The following WDR53 variants were observed in gnomAD, a reference collection of about 807,000 sequenced individuals.
WDR53 encodes the protein WD repeat domain 53, also known as WD repeat-containing protein 53.
A neutral mutation model predicts 21.3 loss-of-function variants in WDR53; 19 were observed. The ratio of observed to expected loss-of-function variants is 0.89; its 90% CI spans 0.62 to 1.31. The LOEUF (loss-of-function observed/expected upper bound fraction) is 1.31, where lower values mean the gene tolerates loss of function less well. Among genes scored for constraint, WDR53 ranks in the 50% most tolerant of loss-of-function variants. The probability of loss-of-function intolerance (pLI) is 0.00; values close to 1 mark genes in which losing one functional copy is unlikely to be tolerated. For missense variants in WDR53, 374 were observed against 423.2 expected, an observed-to-expected ratio of 0.88 and a Z score of 1.02; for synonymous variants, 157 against 163.4, an observed-to-expected ratio of 0.96 and a Z score of 0.30.
chr3:196,568,212 G>A (rs1735618802), intron 1 of WDR53, among the ~76,000 whole-genome samples: 2 of 152,158 alleles, frequency 1.3e-5, no homozygotes, highest in Non-Finnish European at 2.9e-5. Flanking sequence ...GGCACACAGG[G>A]ACAGACGTTC....
chr3:196,566,296 C>T (rs1735385380), intron 2 of WDR53, among the ~76,000 whole-genome samples: 1 of 151,568 alleles, frequency 6.6e-6, no homozygotes, highest in African/African-American at 2.4e-5. Flanking sequence ...CACCATGTTG[C>T]CCAAGCTGGT....
chr3:196,554,535 TG>T lies in WDR53; in HGVS notation c.752del (p.Pro251GlnfsTer56), dbSNP rs772033928. 2.5e-5 allele frequency: 41 copies of T among 1,614,088 alleles called. No individual in the cohort carries two copies. Among genetic ancestry groups the T allele is most frequent in the Non-Finnish European group, 3.4e-5 (40 of 1,180,040 alleles). Reference protein sequence around the residue: ...TSGVSQVCFLPESYLLLTGGN... With the variant: ...TSGVSQVCFLXESYLLLTGGN... The stretch of plus-strand genomic sequence containing the variant: ...CTCCAGTAAGCAGCAAATAGGATTC[TG>T]GGAGAAAGCAGACCTGGGATACCCC... On this transcript the variant is annotated frameshift_variant, in exon 4 of 4. Transcript: ENST00000332629. LOFTEE classifies it low-confidence loss of function (END_TRUNC).
chr3:196,554,240 T>A lies in WDR53; in HGVS notation c.1048A>T (p.Ile350Leu), dbSNP rs376520332. ...NILVADQTSC[I>L]SVYPLNEF ...AATTCATTTAAGGGGTATACAGATATACAACTAGTTTGATCAGCTACTAAT... is the reference window on the plus strand; with the variant it reads ...AATTCATTTAAGGGGTATACAGATAAACAACTAGTTTGATCAGCTACTAAT... The change falls in exon 4 of 4, where the codon ATA becomes TTA. Residue 350 changes from isoleucine (I) to leucine (L), a missense_variant. Ile to Leu is a conservative substitution (Grantham distance 5). Coordinates refer to ENST00000332629, the MANE Select transcript of WDR53 (RefSeq NM_182627.3). 1.9e-6 allele frequency: 3 copies of A among 1,612,998 alleles called. No homozygotes were observed. The highest frequency in any genetic ancestry group is 1.1e-5 in the South Asian group (1 of 90,968).
chr3:196,561,204 T>C lies in WDR53; in HGVS notation c.272A>G (p.His91Arg). Reference protein sequence around the residue: ...RSLKDSLDHFHVNEEEINCLS... With the variant: ...RSLKDSLDHFRVNEEEINCLS... ...ACAATTGATTTCTTCTTCATTCACA[T>C]GAAAATGGTCCAAGGAATCTTTGAG... The change falls in exon 3 of 4, where the codon CAT (histidine) becomes CGT (arginine). Residue 91 changes from histidine (H) to arginine (R), a missense_variant. Coordinates refer to ENST00000332629, the MANE Select transcript of WDR53 (RefSeq NM_182627.3). 1 of 1,614,190 alleles carries C rather than the reference T, an allele frequency of 6.2e-7. No individual in the cohort carries two copies.
At chr3:196,567,718 A>T (rs1735549975) in intron 1 of WDR53, among the ~76,000 whole-genome samples, 1 of 151,656 alleles carries the variant, frequency 6.6e-6, no homozygotes, top group Non-Finnish European at 1.5e-5. Context: ...GCCACCTAGG[A>T]AATCGTAGTA....
intron 3 of WDR53, among the ~76,000 whole-genome samples, chr3:196,557,481 G>A (rs1267181296): frequency 6.6e-6 from 1 of 152,210 alleles, no homozygotes; most frequent in Non-Finnish European, 1.5e-5. Context: ...GTGCGAGGCT[G>A]CGGTGAGCTC....
chr3:196,565,378 C>T (rs1333085288), intron 2 of WDR53, among the ~76,000 whole-genome samples: 2 of 151,984 alleles, frequency 1.3e-5, no homozygotes, highest in African/African-American at 4.8e-5. Flanking sequence ...AGTTCAAGAC[C>T]ACCCTGGCCA....
In WDR53 at chr3:196,561,166, G is replaced by C; in HGVS notation, c.310C>G (p.Gln104Glu). 6.2e-7 allele frequency: 1 copy of C among 1,614,156 alleles called. No homozygotes were observed. The highest frequency in any genetic ancestry group is 1.1e-5 in the South Asian group (1 of 91,064). ...EEEINCLSLN[Q>E]TENLLASADD... ...GCAGAAGCCAGCAGGTTTTCCGTTTGATTCAATGAAAGACAATTGATTTCT... is the reference window on the plus strand; with the variant it reads ...GCAGAAGCCAGCAGGTTTTCCGTTTCATTCAATGAAAGACAATTGATTTCT... Residue 104 changes from glutamine (Q) to glutamate (E), a missense_variant, in exon 3 of 4, where the codon CAA (glutamine) becomes GAA (glutamate). By Grantham distance (29) the Gln-to-Glu change is conservative. Coordinates refer to ENST00000332629, the MANE Select transcript of WDR53 (RefSeq NM_182627.3).
In WDR53 at chr3:196,564,395, C is replaced by CTTTT. The variant is rs1553872894; in HGVS notation, c.-17+2478_-17+2481dup. 5.2e-5 allele frequency among the ~76,000 whole-genome samples: 7 copies of CTTTT among 135,902 alleles called. 1 individual carries two copies. Among genetic ancestry groups the CTTTT allele is most frequent in the South Asian group, 4.6e-4 (2 of 4,386 alleles). The allele number at this position is 135,902 out of a possible 152,430, so 89.2% of individuals were successfully genotyped here. A position where few individuals can be genotyped will look rare whatever the true frequency, so the allele number is the denominator to read the frequency against. On this transcript the variant is annotated intron_variant, in intron 2 of 3. Transcript: ENST00000332629. ...ACGATTTCAATTTTTTTTCTTTTTT[C>CTTTT]TTTTTTTTTTTTTTTTGAGACAGGG... is the stretch of plus-strand genomic sequence containing the variant.
chr3:196,554,829 A>G, intron 3 of WDR53, 22 bp from the exon 4 acceptor site: 5 of 1,584,420 alleles, frequency 3.2e-6, no homozygotes, highest in Non-Finnish European at 4.3e-6. Flanking sequence ...AAGAAATTAC[A>G]CAGTCATACA....
In WDR53 at chr3:196,567,273, G is replaced by C; in HGVS notation, c.-413C>G. 2.2e-6 allele frequency: 1 copy of C among 456,610 alleles called. No homozygotes were observed. Among genetic ancestry groups the C allele is most frequent in the Non-Finnish European group, 4.4e-6 (1 of 226,866 alleles). The allele number at this position is 456,610 out of a possible 1,614,324, so 28.3% of individuals were successfully genotyped here. On this transcript the variant is annotated 5_prime_UTR_variant, in exon 2 of 4. Coordinates refer to ENST00000332629, the MANE Select transcript of WDR53 (RefSeq NM_182627.3). ...GGACTTGATGTGGAGAAGCTGGATA[G>C]CAACCAAAATGATTGAAGGGCTGTG...
At position 196,561,206 on chromosome 3, in the gene WDR53, A is replaced by C. The variant is rs1213523578; in HGVS notation, c.270T>G (p.Phe90Leu). The change falls in exon 3 of 4, where the codon TTT becomes TTG. Residue 90 changes from phenylalanine to leucine, a missense_variant. By Grantham distance (22) the Phe-to-Leu change is conservative. Transcript: ENST00000332629. ...AATTGATTTCTTCTTCATTCACATG[A>C]AAATGGTCCAAGGAATCTTTGAGGG... ...VRSLKDSLDH[F>L]HVNEEEINCL... 9 of 1,614,122 alleles carry C rather than the reference A, an allele frequency of 5.6e-6. No homozygotes were observed. Among genetic ancestry groups the C allele is most frequent in the Non-Finnish European group, 7.6e-6 (9 of 1,180,052 alleles).
At chr3:196,559,717 C>T (rs988777976) in intron 3 of WDR53, among the ~76,000 whole-genome samples, 6 of 152,166 alleles carry the variant, frequency 3.9e-5, no homozygotes, top group African/African-American at 1.4e-4. Flanking sequence ...CTAGAAGCCA[C>T]CTGACCCCAA....
In WDR53 at chr3:196,561,421, T is replaced by C; in HGVS notation, c.55A>G (p.Ser19Gly). Reference sequence around the variant, plus strand: ...CCAGAAGCCAGCAGCCCTTCTTTACTTGCATTCAGGCAGAGGACAGGAGAA... The same window carrying C: ...CCAGAAGCCAGCAGCCCTTCTTTACCTGCATTCAGGCAGAGGACAGGAGAA... ...HSSPVLCLNA[S>G]KEGLLASGAE... The change falls in exon 3 of 4, where the codon AGT becomes GGT. Residue 19 changes from serine (S) to glycine (G), a missense_variant. Transcript: ENST00000332629. The C allele has an allele frequency of 6.2e-7, 1 of 1,614,100 alleles. No homozygotes were observed. The highest frequency in any genetic ancestry group is 8.5e-7 in the Non-Finnish European group (1 of 1,180,028).
chr3:196,562,501 A>T (rs1734977549), intron 2 of WDR53, among the ~76,000 whole-genome samples: 1 of 152,036 alleles, frequency 6.6e-6, no homozygotes, highest in Non-Finnish European at 1.5e-5. Flanking sequence ...ACCTCAGGTG[A>T]TCCACCCACC....
intron 2 of WDR53, among the ~76,000 whole-genome samples, chr3:196,566,674 A>G (rs577414390): frequency 2.0e-5 from 3 of 152,280 alleles, no homozygotes; most frequent in South Asian, 2.1e-4. Context: ...TCGGCCTCCC[A>G]AAGTGCTGGG....
At chr3:196,558,734 T>C (rs1439317823) in intron 3 of WDR53, among the ~76,000 whole-genome samples, 1 of 152,232 alleles carries the variant, frequency 6.6e-6, no homozygotes, top group East Asian at 1.9e-4. Context: ...CTGGCTATCC[T>C]TAAAGTTTAG....
intron 1 of WDR53, among the ~76,000 whole-genome samples, chr3:196,568,188 C>T (rs1027244179): frequency 6.6e-6 from 1 of 152,174 alleles, no homozygotes; most frequent in Non-Finnish European, 1.5e-5. Flanking sequence ...GTCGCAGCCA[C>T]CTTACTTTGC....
chr3:196,560,664 CAG>C (rs1734748169), intron 3 of WDR53, among the ~76,000 whole-genome samples: 2 of 152,158 alleles, frequency 1.3e-5, no homozygotes, highest in South Asian at 4.1e-4. Flanking sequence ...TTTGTTTAAA[CAG>C]AGTTTACAGA....
Sources: allele counts gnomAD v4.1 joint callset (sites outside exome capture counted in the v4.1 genomes callset), GRCh38; gene constraint gnomAD v4.1.1; transcripts MANE v1.5; gene names NCBI Gene and HGNC (gene_info 2026-07-23, HGNC 2026-07-21).